FGL1: variants seen among roughly 807,000 people sequenced by gnomAD.
FGL1 encodes fibrinogen-like protein 1.
FGL1 carries 59 observed loss-of-function variants against 43.7 expected under a neutral mutation model. The observed-to-expected ratio is 1.35, with a 90% confidence interval of 1.10 to 1.68. The LOEUF is 1.68. FGL1 is among the 40% of genes most tolerant of loss of function. FGL1 has a pLI of 0.00. For missense variants in FGL1, 596 were observed against 373.0 expected (o/e 1.60, Z -4.92); for synonymous variants, 192 against 126.5 (o/e 1.52, Z -3.48).
chr8:17,882,756 A>ATATATAG (rs1563457534), intron 2 of FGL1: 35 of 95,732 alleles, frequency 3.7e-4, no homozygotes, highest in Middle Eastern at 4.4e-3. Context: ...AATATATATA[A>ATATATAG]TATATAATAT....
rs781592477 is a variant in FGL1 at position 17,868,565 on chromosome 8, A to C, written c.762T>G (p.Ser254=). The part of the protein sequence containing the change: ...YEGNCAEEDQ[S]GWWFNRCHSA... Reference sequence around the variant, plus strand: ...CATCAAACCTGTTAAACCACCAGCCAGACTGATCTTCTTCTGCGCAGTTCC... The same window carrying C: ...CATCAAACCTGTTAAACCACCAGCCCGACTGATCTTCTTCTGCGCAGTTCC... The change falls in exon 7 of 8, where the codon TCT becomes TCG. Residue 254 remains serine, a synonymous_variant. Coordinates refer to ENST00000427924, the MANE Select transcript of FGL1 (RefSeq NM_004467.4). The C allele has an allele frequency of 6.2e-7, 1 of 1,612,484 alleles. No individual in the cohort carries two copies. The highest frequency in any genetic ancestry group is 8.5e-7 in the Non-Finnish European group (1 of 1,179,424).
Position 17,893,767 on chromosome 8 carries a change from T to A in FGL1, c.-18+1680A>T, listed in dbSNP as rs965662567. On this transcript the variant is annotated intron_variant, in intron 1 of 7. Coordinates refer to ENST00000427924, the MANE Select transcript of FGL1 (RefSeq NM_004467.4). ...AACATTCTCTGTAATATTGAAGAAA[T>A]GCTAAGCATTAAGAAACTTGCTTTG... 1.6e-4 allele frequency among the ~76,000 whole-genome samples: 23 copies of A among 147,446 alleles called. 3 individuals are homozygous for A. Among genetic ancestry groups the A allele is most frequent in the African/African-American group, 6.1e-4 (23 of 37,648 alleles).
chr8:17,885,592 T>A (rs756820868), intron 1 of FGL1, 21 bp from the exon 2 acceptor site: 1 of 1,605,304 alleles, frequency 6.2e-7, no homozygotes, highest in Non-Finnish European at 8.5e-7. Context: ...AAAAAGAATT[T>A]TATAAATGTA....
At position 17,882,194 on chromosome 8, in the gene FGL1, A is replaced by T; in HGVS notation, c.64-15T>A. On this transcript the variant is annotated splice_polypyrimidine_tract_variant and intron_variant, in intron 2 of 7. Coordinates refer to ENST00000427924, the MANE Select transcript of FGL1 (RefSeq NM_004467.4). ...TCCTCGAGCGCCTGCAAAACAGGTG[A>T]GATGAGATGAGTATGCACCTCATTT... is the stretch of plus-strand genomic sequence containing the variant. 1 of 1,609,184 alleles carries T rather than the reference A, an allele frequency of 6.2e-7. No homozygotes were observed. Among genetic ancestry groups the T allele is most frequent in the Non-Finnish European group, 8.5e-7 (1 of 1,178,142 alleles).
chr8:17,890,845 C>G (rs1432403749), intron 1 of FGL1, among the ~76,000 whole-genome samples: 2 of 152,086 alleles, frequency 1.3e-5, no homozygotes, highest in Non-Finnish European at 2.9e-5. Context: ...GGAGAACTCA[C>G]TATCACGAAA....
At chr8:17,886,092 G>A (rs1381924008) in intron 1 of FGL1, among the ~76,000 whole-genome samples, 1 of 152,130 alleles carries the variant, frequency 6.6e-6, no homozygotes, top group Non-Finnish European at 1.5e-5. Context: ...GCTAATTTTG[G>A]TATCCCTAGC....
chr8:17,865,040 C>T (rs1007850153), intron 7 of FGL1, among the ~76,000 whole-genome samples: 6 of 151,998 alleles, frequency 3.9e-5, no homozygotes, highest in Non-Finnish European at 7.4e-5. Flanking sequence ...CCTGCCTCAG[C>T]CTTCCAAACT....
At chr8:17,888,368 C>G (rs1051859353) in intron 1 of FGL1, among the ~76,000 whole-genome samples, 4 of 152,102 alleles carry the variant, frequency 2.6e-5, no homozygotes. Flanking sequence ...TTTTCTAGGT[C>G]ACATTTATTA....
intron 5 of FGL1, among the ~76,000 whole-genome samples, chr8:17,873,459 A>T (rs1319594057): frequency 6.6e-6 from 1 of 152,118 alleles, no homozygotes; most frequent in Admixed American, 6.6e-5. Context: ...CCCAGCCCTG[A>T]TCAGCAAAAT....
chr8:17,878,125 T>G (rs546559570), intron 3 of FGL1, among the ~76,000 whole-genome samples: 2 of 152,190 alleles, frequency 1.3e-5, no homozygotes, highest in South Asian at 4.2e-4. Context: ...CCTGGCAATT[T>G]TTTTTTTATA....
At chr8:17,881,955 C>A (rs2053542456) in intron 3 of FGL1, 44 bp downstream of exon 3, 2 of 1,548,974 alleles carry the variant, frequency 1.3e-6, no homozygotes, top group East Asian at 2.3e-5. Flanking sequence ...TACATGGGTG[C>A]ATAATGTAAG....
chr8:17,891,164 G>T (rs1326330171), intron 1 of FGL1: 1 of 152,142 alleles, frequency 6.6e-6, no homozygotes, highest in African/African-American at 2.4e-5. Flanking sequence ...ATGCTAGGTG[G>T]ATAGTTAGGT....
rs761278944 is a variant in FGL1, at chr8:17,874,032, G to T, written c.489C>A (p.Phe163Leu). Residue 163 changes from phenylalanine (F) to leucine (L), a missense_variant, in exon 5 of 8, where the codon TTC becomes TTA. Transcript: ENST00000427924. ...EYWLGNKNLH[F>L]LTTQEDYTLK... ...TTCAAACCTTACCTTGAGTGGTCAA[G>T]AAGTGAAGATTTTTATTGCCCAGCC... 1.2e-6 allele frequency: 2 copies of T among 1,608,856 alleles called. No individual in the cohort carries two copies. The highest frequency in any genetic ancestry group is 2.2e-5 in the East Asian group (1 of 44,692).
intron 2 of FGL1, among the ~76,000 whole-genome samples, chr8:17,883,716 A>T (rs2174002): frequency 2.8e-5 from 4 of 145,248 alleles, no homozygotes; most frequent in African/African-American, 7.6e-5. Context: ...TATGTAGTAC[A>T]TCTCCCCTCC....
At chr8:17,874,571 C>CT (rs2053416698) in intron 3 of FGL1, 50 bp from the exon 4 acceptor site, 2 of 1,505,032 alleles carry the variant, frequency 1.3e-6, no homozygotes, top group African/African-American at 1.4e-5. Context: ...CTTTTTCTCC[C>CT]CCCGCCTTAG....
rs762730555 is a variant in FGL1 at position 17,874,047 on chromosome 8, A to G, written c.474T>C (p.Asn158=). The G allele has an allele frequency of 1.2e-6, 2 of 1,610,834 alleles. No individual in the cohort carries two copies. Among genetic ancestry groups the G allele is most frequent in the African/African-American group, 2.7e-5 (2 of 74,760 alleles). Residue 158 remains asparagine (N), a synonymous_variant, in exon 5 of 8, where the codon AAT becomes AAC. Coordinates refer to ENST00000427924, the MANE Select transcript of FGL1 (RefSeq NM_004467.4). ...VQKHGEYWLG[N]KNLHFLTTQE... Reference sequence around the variant, plus strand: ...GAGTGGTCAAGAAGTGAAGATTTTTATTGCCCAGCCAATATTCACCATGTT... The same window carrying G: ...GAGTGGTCAAGAAGTGAAGATTTTTGTTGCCCAGCCAATATTCACCATGTT...
At position 17,873,217 on chromosome 8, in the gene FGL1, C is replaced by G. The variant is rs34455934; in HGVS notation, c.502+802G>C. Among the ~76,000 whole-genome samples, 708 of 152,160 alleles carry G rather than the reference C, an allele frequency of 4.7e-3. 12 individuals carry two copies. Among genetic ancestry groups the G allele is most frequent in the African/African-American group, 0.016 (645 of 41,500 alleles). ...AGCTGCTCCTGTGATTTGCTTTCACCAATAGAAGAAAAATGACTCCATGCC... is the reference window on the plus strand; with the variant it reads ...AGCTGCTCCTGTGATTTGCTTTCACGAATAGAAGAAAAATGACTCCATGCC... On this transcript the variant is annotated intron_variant, in intron 5 of 7. Coordinates refer to ENST00000427924, the MANE Select transcript of FGL1 (RefSeq NM_004467.4).
chr8:17,890,399 C>G (rs1041606639), intron 1 of FGL1, among the ~76,000 whole-genome samples: 7 of 152,180 alleles, frequency 4.6e-5, no homozygotes, highest in Non-Finnish European at 1.0e-4. Context: ...TTTGCCTGTT[C>G]TGGCTACATT....
In FGL1 at chr8:17,867,724, C is replaced by T. The variant is rs147856848; in HGVS notation, c.779+824G>A. On this transcript the variant is annotated intron_variant, in intron 7 of 7. Transcript: ENST00000427924. ...TACGCTAGACAGAGGGGTGACCCAC[C>T]TCCTGGGCAGAAAGAATCCAATGGT... 3.0e-4 allele frequency among the ~76,000 whole-genome samples: 46 copies of T among 152,296 alleles called. No homozygotes were observed. In the East Asian group the frequency reaches 7.9e-3, roughly 26 times the overall value.
Sources: allele counts gnomAD v4.1 joint callset (sites outside exome capture counted in the v4.1 genomes callset), GRCh38; gene constraint gnomAD v4.1.1; transcripts MANE v1.5; gene names NCBI Gene and HGNC (gene_info 2026-07-23, HGNC 2026-07-21).